The following FAM227B variants were observed in gnomAD, a reference collection of about 807,000 sequenced individuals.
The protein encoded by FAM227B is family with sequence similarity 227 member B.
Under a neutral mutation model 73.8 loss-of-function variants are expected in FAM227B, and 88 were observed. That is an observed-to-expected ratio of 1.19 (90% CI 1.00 to 1.42). The LOEUF (loss-of-function observed/expected upper bound fraction) is 1.42, where lower values mean the gene tolerates loss of function less well. Among genes scored for constraint, FAM227B ranks in the 40% most tolerant of loss-of-function variants. The probability of loss-of-function intolerance (pLI) is 0.00; values close to 1 mark genes in which losing one functional copy is unlikely to be tolerated. For missense variants in FAM227B, 632 were observed against 590.9 expected, an observed-to-expected ratio of 1.07 and a Z score of -0.72; for synonymous variants, 210 against 190.5, an observed-to-expected ratio of 1.10 and a Z score of -0.84.
chr15:49,462,853 C>T (rs540706985), intron 11 of FAM227B, among the ~76,000 whole-genome samples: 7 of 152,062 alleles, frequency 4.6e-5, no homozygotes, highest in East Asian at 1.9e-4. Context: ...AAATTATAAA[C>T]GATATTACAT....
intron 3 of FAM227B, among the ~76,000 whole-genome samples, chr15:49,604,044 T>C (rs2077361960): frequency 6.6e-6 from 1 of 152,212 alleles, no homozygotes; most frequent in African/African-American, 2.4e-5. Context: ...TTTGTTGAAT[T>C]CAGTTTGATG....
chr15:49,365,804 CAGAG>C, intron 13 of FAM227B: 1 of 863,356 alleles, frequency 1.2e-6, no homozygotes, highest in Non-Finnish European at 2.0e-6. Context: ...ATGCACAGTC[CAGAG>C]AGAAACATAA....
At chr15:49,497,782 G>T (rs2057755477) in intron 11 of FAM227B, among the ~76,000 whole-genome samples, 1 of 152,160 alleles carries the variant, frequency 6.6e-6, no homozygotes, top group South Asian at 2.1e-4. Flanking sequence ...GCGGTGTGTG[G>T]TAGACATGTA....
At chr15:49,513,452 GT>G (rs1194771971) in intron 10 of FAM227B, among the ~76,000 whole-genome samples, 4 of 152,002 alleles carry the variant, frequency 2.6e-5, no homozygotes, top group Admixed American at 6.6e-5. Context: ...TGATGGGGTT[GT>G]TTTTTTCTTG....
intron 15 of FAM227B, chr15:49,328,971 T>C: frequency 2.8e-6 from 3 of 1,055,976 alleles, no homozygotes; most frequent in Non-Finnish European, 3.5e-6. Flanking sequence ...ATTATCTAGA[T>C]GATAATTCAG....
chr15:49,543,204 G>A (rs2071328974), intron 9 of FAM227B, among the ~76,000 whole-genome samples: 1 of 151,950 alleles, frequency 6.6e-6, no homozygotes, highest in Admixed American at 6.6e-5. Context: ...GGTAATTCTT[G>A]CAGGAGTAAA....
Position 49,360,764 on chromosome 15 carries a change from T to G in FAM227B, c.1271+6684A>C, listed in dbSNP as rs142742140. ...AGATCATCCAAAAATTATATTTAAA[T>G]GTTCTGCTAATGAATTAGTGTACAT... On this transcript the variant is annotated intron_variant, in intron 13 of 15. Transcript: ENST00000299338. 3.8e-3 allele frequency among the ~76,000 whole-genome samples: 578 copies of G among 152,308 alleles called. 3 individuals carry two copies. The highest frequency in any genetic ancestry group is 0.013 in the African/African-American group (553 of 41,568).
Position 49,365,065 on chromosome 15 carries a change from A to G in FAM227B, c.1271+2383T>C, listed in dbSNP as rs887896349. The G allele has an allele frequency of 4.9e-5, 28 of 567,738 alleles. No individual in the cohort carries two copies. The Admixed American group carries it at 7.1e-4, about 14-fold the overall frequency. 35.2% of individuals were successfully genotyped at this position (567,738 alleles called of 1,614,324 possible). ...ATTGTCAATTCAAAAATCAATTTAA[A>G]AAGTCAAAGTCTATTTGTAGAAAAT... is the stretch of plus-strand genomic sequence containing the variant. On this transcript the variant is annotated intron_variant, in intron 13 of 15. Transcript: ENST00000299338.
rs1378041496 is a variant in FAM227B at position 49,489,903 on chromosome 15, G to C, written c.1012+18308C>G. ...ATATATAGAGAGAGAGAGAGAGAGAGAGAGAGAGAGACAGAGAGAGAGACA... is the reference window on the plus strand; with the variant it reads ...ATATATAGAGAGAGAGAGAGAGAGACAGAGAGAGAGACAGAGAGAGAGACA... On this transcript the variant is annotated intron_variant, in intron 11 of 15. Coordinates refer to ENST00000299338, the MANE Select transcript of FAM227B (RefSeq NM_152647.3). 5.7e-4 allele frequency among the ~76,000 whole-genome samples: 17 copies of C among 29,938 alleles called. 2 individuals are homozygous for C. The highest frequency in any genetic ancestry group is 9.8e-4 in the African/African-American group (14 of 14,338). The allele number at this position is 29,938 out of a possible 152,430, so 19.6% of individuals were successfully genotyped here.
chr15:49,328,884 G>A (rs2038021472), intron 15 of FAM227B: 2 of 1,307,420 alleles, frequency 1.5e-6, no homozygotes, highest in Admixed American at 3.3e-5. Context: ...TTTTGGCCCT[G>A]AGCTATCTCC....
At chr15:49,508,444 T>C in intron 10 of FAM227B, 96 bp from the exon 11 acceptor site, 2 of 1,146,306 alleles carry the variant, frequency 1.7e-6, no homozygotes, top group Non-Finnish European at 2.4e-6. Context: ...ATACATTTCA[T>C]CCTCACAACA....
At chr15:49,445,616 T>C (rs1239717757) in intron 11 of FAM227B, among the ~76,000 whole-genome samples, 1 of 151,574 alleles carries the variant, frequency 6.6e-6, no homozygotes, top group East Asian at 1.9e-4. Context: ...ACTGTATATA[T>C]GAAAACATCA....
chr15:49,477,866 C>T (rs1177469658), intron 11 of FAM227B, among the ~76,000 whole-genome samples: 9 of 152,122 alleles, frequency 5.9e-5, no homozygotes, highest in African/African-American at 9.7e-5. Context: ...AGTTTAGTCA[C>T]GCTAATAGTT....
At chr15:49,430,401 T>A (rs1363870247) in intron 11 of FAM227B, among the ~76,000 whole-genome samples, 1 of 151,726 alleles carries the variant, frequency 6.6e-6, no homozygotes, top group African/African-American at 2.4e-5. Flanking sequence ...GGATCTCACC[T>A]CTCATGGCCA....
At chr15:49,484,072 C>T (rs1421141542) in intron 11 of FAM227B, among the ~76,000 whole-genome samples, 1 of 151,982 alleles carries the variant, frequency 6.6e-6, no homozygotes, top group Non-Finnish European at 1.5e-5. Context: ...AAAAGCTACA[C>T]ATATTTCATA....
rs562528406 is a variant in FAM227B, at chr15:49,472,984, G to C, written c.1012+35227C>G. Among the ~76,000 whole-genome samples the C allele has an allele frequency of 2.6e-5, 4 of 152,258 alleles. No individual in the cohort carries two copies. In the East Asian group the frequency reaches 5.8e-4, roughly 22 times the overall value. ...ATGCCAAATTATAAACAGAATTAAAGTGGCTGAATTAAAACTCACCATTTC... is the reference window on the plus strand; with the variant it reads ...ATGCCAAATTATAAACAGAATTAAACTGGCTGAATTAAAACTCACCATTTC... On this transcript the variant is annotated intron_variant, in intron 11 of 15. Coordinates refer to ENST00000299338, the MANE Select transcript of FAM227B (RefSeq NM_152647.3).
intron 11 of FAM227B, among the ~76,000 whole-genome samples, chr15:49,383,405 G>T (rs2046668436): frequency 6.6e-6 from 1 of 151,832 alleles, no homozygotes; most frequent in South Asian, 2.1e-4. Context: ...TTAAATTAAG[G>T]TATGCACTTT....
intron 11 of FAM227B, among the ~76,000 whole-genome samples, chr15:49,413,314 TTC>T (rs2048995266): frequency 6.6e-6 from 1 of 152,026 alleles, no homozygotes; most frequent in Non-Finnish European, 1.5e-5. Context: ...TTCTCTCTCA[TTC>T]TCTCTCTTTA....
chr15:49,494,437 G>C (rs1302064023), intron 11 of FAM227B, among the ~76,000 whole-genome samples: 1 of 152,100 alleles, frequency 6.6e-6, no homozygotes, highest in African/African-American at 2.4e-5. Flanking sequence ...TATTGTCCTG[G>C]AAGTCCATGT....
Sources: gnomAD v4.1 joint callset for allele counts (sites outside exome capture counted in the v4.1 genomes callset) on GRCh38, gnomAD v4.1.1 for gene constraint, MANE v1.5 for transcripts, NCBI Gene and HGNC (gene_info 2026-07-23, HGNC 2026-07-21) for gene names.